Variants in STK4 observed in about 807,000 individuals in gnomAD.
The protein encoded by STK4 is serine/threonine-protein kinase 4.
In STK4, 30 loss-of-function variants were observed where a neutral mutation model predicts 64.9. That is an observed-to-expected ratio of 0.46 (90% CI 0.35 to 0.63). The LOEUF (loss-of-function observed/expected upper bound fraction) is 0.63. Among genes scored for constraint, STK4 ranks in the 20% least tolerant of loss-of-function variants. The pLI is 0.01. For missense variants in STK4, 466 were observed against 598.5 expected (o/e 0.78, Z 2.31); for synonymous variants, 177 against 199.0 (o/e 0.89, Z 0.93).
At chr20:45,042,151 T>C (rs777342408) in intron 10 of STK4, among the ~76,000 whole-genome samples, 1 of 152,204 alleles carries the variant, frequency 6.6e-6, no homozygotes, top group Non-Finnish European at 1.5e-5. Flanking sequence ...GTATTTTTCT[T>C]ATTCCTGGAT....
At chr20:44,991,924 A>C (rs1377317090) in intron 5 of STK4, among the ~76,000 whole-genome samples, 1 of 152,150 alleles carries the variant, frequency 6.6e-6, no homozygotes, top group Admixed American at 6.5e-5. Flanking sequence ...TTGGCGTGCC[A>C]AAGTGCTGGG....
chr20:44,977,717 T>G (rs1052244281), intron 2 of STK4, among the ~76,000 whole-genome samples: 1 of 152,218 alleles, frequency 6.6e-6, no homozygotes, highest in Non-Finnish European at 1.5e-5. Context: ...ATTGACTAGA[T>G]ACACAAACTT....
chr20:45,072,208 G>A lies in STK4; in HGVS notation c.1306-2810G>A, dbSNP rs370207215. On this transcript the variant is annotated intron_variant, in intron 10 of 10. Transcript: ENST00000372806. Reference sequence around the variant, plus strand: ...CATAGGTCATACACTGAGAAACATTGAGTCTGGAAAGACTTCTGAGATCAT... The same window carrying A: ...CATAGGTCATACACTGAGAAACATTAAGTCTGGAAAGACTTCTGAGATCAT... Among the ~76,000 whole-genome samples, 8 of 152,124 alleles carry A rather than the reference G, an allele frequency of 5.3e-5. No homozygotes were observed. The East Asian group carries it at 1.5e-3, about 29-fold the overall frequency.
At chr20:45,044,366 A>G (rs1177578441) in intron 10 of STK4, among the ~76,000 whole-genome samples, 1 of 152,178 alleles carries the variant, frequency 6.6e-6, no homozygotes, top group Non-Finnish European at 1.5e-5. Flanking sequence ...TGATAAAATT[A>G]CCGAACCAGT....
chr20:45,010,634 C>T (rs1309267558), intron 9 of STK4, among the ~76,000 whole-genome samples: 1 of 151,988 alleles, frequency 6.6e-6, no homozygotes, highest in Non-Finnish European at 1.5e-5. Context: ...AGATTTGAAC[C>T]CAGATATGTT....
Position 44,978,507 on chromosome 20 carries a change from G to A in STK4, c.181G>A (p.Val61Ile). The A allele has an allele frequency of 4.3e-6, 7 of 1,614,128 alleles. No homozygotes were observed. The highest frequency in any genetic ancestry group is 4.2e-6 in the Non-Finnish European group (5 of 1,180,010). Residue 61 changes from valine (V) to isoleucine (I), a missense_variant, in exon 3 of 11, where the codon GTT (valine) becomes ATT (isoleucine). Transcript: ENST00000372806. ...ETGQIVAIKQ[V>I]PVESDLQEII... ...CGGCCAGATTGTTGCTATTAAGCAAGTTCCTGTGGAATCAGACCTCCAGGA... is the reference window on the plus strand; with the variant it reads ...CGGCCAGATTGTTGCTATTAAGCAAATTCCTGTGGAATCAGACCTCCAGGA...
chr20:45,049,834 A>C (rs974001903), intron 10 of STK4, among the ~76,000 whole-genome samples: 1 of 152,184 alleles, frequency 6.6e-6, no homozygotes, highest in Admixed American at 6.5e-5. Flanking sequence ...GTGGAAAATG[A>C]AAATCCCACA....
rs1459658510 is a variant in STK4 at position 45,078,899 on chromosome 20, A to G, written c.*3723A>G. The G allele has an allele frequency of 6.6e-6, 1 of 152,384 alleles. No homozygotes were observed. The highest frequency in any genetic ancestry group is 1.5e-5 in the Non-Finnish European group (1 of 68,038). 9.4% of individuals were successfully genotyped at this position (152,384 alleles called of 1,614,324 possible). A position where few individuals can be genotyped will look rare whatever the true frequency, so the allele number is the denominator to read the frequency against. ...TACATCCTATGGGTATTAAAAAGCC[A>G]ATAGAATATTATGAATAATTTTATG... is the stretch of plus-strand genomic sequence containing the variant. On this transcript the variant is annotated 3_prime_UTR_variant, in exon 11 of 11. Coordinates refer to ENST00000372806, the MANE Select transcript of STK4 (RefSeq NM_006282.5).
intron 5 of STK4, among the ~76,000 whole-genome samples, chr20:44,988,371 C>T (rs560148176): frequency 1.3e-5 from 2 of 151,152 alleles, no homozygotes; most frequent in African/African-American, 2.4e-5. Flanking sequence ...AAACATTAGC[C>T]GGACATGGTA....
chr20:45,039,710 A>G (rs1000728748), intron 10 of STK4, among the ~76,000 whole-genome samples: 1 of 152,158 alleles, frequency 6.6e-6, no homozygotes, highest in African/African-American at 2.4e-5. Context: ...CATAGATACT[A>G]TTAAAAAGAC....
chr20:45,011,891 C>A (rs2068057874), intron 9 of STK4, among the ~76,000 whole-genome samples: 1 of 151,318 alleles, frequency 6.6e-6, no homozygotes, highest in Non-Finnish European at 1.5e-5. Context: ...ATCTGAAAGA[C>A]TTGCTTCCTC....
At chr20:45,050,413 C>A (rs866134508) in intron 10 of STK4, among the ~76,000 whole-genome samples, 2 of 152,134 alleles carry the variant, frequency 1.3e-5, no homozygotes, top group Non-Finnish European at 2.9e-5. Context: ...ATTTAGGTAG[C>A]CTTCAGCTTT....
At chr20:44,995,635 A>G (rs2267858) in intron 6 of STK4, among the ~76,000 whole-genome samples, 23,850 of 149,578 alleles carry the variant, frequency 0.16, 2,563 homozygotes, top group East Asian at 0.33. Context: ...AAAAAGTTCA[A>G]TGGCTTACTT....
intron 10 of STK4, among the ~76,000 whole-genome samples, chr20:45,038,571 C>T (rs949430634): frequency 6.6e-6 from 1 of 151,916 alleles, no homozygotes. Flanking sequence ...AGTTGTTATC[C>T]CATATAGTTT....
intron 1 of STK4, among the ~76,000 whole-genome samples, chr20:44,971,239 C>A (rs1285076504): frequency 1.3e-5 from 2 of 152,172 alleles, no homozygotes; most frequent in South Asian, 2.1e-4. Flanking sequence ...CTAGCATAGT[C>A]AGAAATCTGA....
At chr20:45,011,705 A>T (rs1203744625) in intron 9 of STK4, among the ~76,000 whole-genome samples, 2 of 94,824 alleles carry the variant, frequency 2.1e-5, no homozygotes, top group African/African-American at 8.5e-5. Flanking sequence ...TGTGTAGAAC[A>T]TACATATATA....
Position 45,000,377 on chromosome 20 carries a change from A to G in STK4, c.832-15A>G, listed in dbSNP as rs966608283. 6.2e-7 allele frequency: 1 copy of G among 1,611,798 alleles called. No individual in the cohort carries two copies. The highest frequency in any genetic ancestry group is 1.1e-5 in the South Asian group (1 of 90,782). On this transcript the variant is annotated splice_polypyrimidine_tract_variant and intron_variant, in intron 7 of 10. Transcript: ENST00000372806. ...ATATAAACTGTCTCCAGTATTTTCT[A>G]CTTTGTTCTTTTAGCACCCATTTGT...
At chr20:44,984,528 G>A (rs911019355) in intron 4 of STK4, among the ~76,000 whole-genome samples, 1 of 151,864 alleles carries the variant, frequency 6.6e-6, no homozygotes, top group Non-Finnish European at 1.5e-5. Flanking sequence ...ATTACTACAC[G>A]TTATTTTGCC....
intron 10 of STK4, among the ~76,000 whole-genome samples, chr20:45,063,728 T>C (rs1386276286): frequency 1.3e-5 from 2 of 152,208 alleles, no homozygotes; most frequent in Non-Finnish European, 2.9e-5. Context: ...AGTTTTAGAT[T>C]TTACTTTTAA....
Sources: allele counts gnomAD v4.1 joint callset (sites outside exome capture counted in the v4.1 genomes callset), GRCh38; gene constraint gnomAD v4.1.1; transcripts MANE v1.5; gene names NCBI Gene and HGNC (gene_info 2026-07-23, HGNC 2026-07-21).